Variants in PARP4 observed in about 807,000 individuals in gnomAD.
PARP4 encodes poly(ADP-ribose) polymerase family member 4, also known as protein mono-ADP-ribosyltransferase PARP4.
Under a neutral mutation model 187.7 loss-of-function variants are expected in PARP4, and 120 were observed. That is an observed-to-expected ratio of 0.64 (90% confidence interval 0.55 to 0.74). The LOEUF (loss-of-function observed/expected upper bound fraction) is 0.74, where lower values mean the gene tolerates loss of function less well. PARP4 is among the 30% of genes least tolerant of loss of function. PARP4 has a pLI of 0.00. For synonymous variants in PARP4, 654 were observed against 740.9 expected (o/e 0.88, Z 1.90); for missense variants, 1,836 against 2,070.5 (o/e 0.89, Z 2.20).
chr13:24,474,116 G>A (rs1295157263), intron 15 of PARP4, among the ~76,000 whole-genome samples: 3 of 152,134 alleles, frequency 2.0e-5, no homozygotes, highest in Non-Finnish European at 4.4e-5. Flanking sequence ...GACCATTCTA[G>A]TAAGTGCAAA....
intron 17 of PARP4, among the ~76,000 whole-genome samples, chr13:24,462,433 C>A (rs992851045): frequency 3.9e-5 from 6 of 152,218 alleles, no homozygotes; most frequent in Admixed American, 3.9e-4. Context: ...CCTGAAAGAA[C>A]AGGAGTTGCC....
At chr13:24,501,599 A>G in intron 3 of PARP4, 34 bp downstream of exon 3, 2 of 1,440,664 alleles carry the variant, frequency 1.4e-6, no homozygotes, top group South Asian at 2.3e-5. Context: ...TATGGCACCT[A>G]TGATACGTTA....
intron 22 of PARP4, among the ~76,000 whole-genome samples, chr13:24,454,264 C>T (rs1249203633): frequency 6.6e-6 from 1 of 152,246 alleles, no homozygotes; most frequent in African/African-American, 2.4e-5. Context: ...AGCTTGGCCC[C>T]TGGAAGGCCA....
At chr13:24,454,059 C>T (rs753453979) in intron 22 of PARP4, among the ~76,000 whole-genome samples, 6 of 150,314 alleles carry the variant, frequency 4.0e-5, no homozygotes, top group Admixed American at 6.6e-5. Context: ...ATCGCACCAC[C>T]GCACTCCAGC....
Position 24,501,811 on chromosome 13 carries a change from A to T in PARP4, c.156T>A (p.Asn52Lys). ...GTTGGTACTGACTCAGAACATCAGC[A>T]TTATCTAAGATTATATGTGTGCACT... ...NPQCTHIILD[N>K]ADVLSQYQLN... The change falls in exon 3 of 34, where the codon AAT becomes AAA. Residue 52 changes from asparagine (N) to lysine (K), a missense_variant. Coordinates refer to ENST00000381989, the MANE Select transcript of PARP4 (RefSeq NM_006437.4). 1 of 1,610,070 alleles carries T rather than the reference A, an allele frequency of 6.2e-7. No homozygotes were observed. The highest frequency in any genetic ancestry group is 8.5e-7 in the Non-Finnish European group (1 of 1,176,396).
chr13:24,428,134 G>A (rs540004112), intron 32 of PARP4, among the ~76,000 whole-genome samples: 1 of 152,126 alleles, frequency 6.6e-6, no homozygotes, highest in Non-Finnish European at 1.5e-5. Flanking sequence ...AAAAGCACAC[G>A]CTTACAGAAA....
chr13:24,454,193 A>G (rs1239297740), intron 22 of PARP4, among the ~76,000 whole-genome samples: 2 of 152,248 alleles, frequency 1.3e-5, no homozygotes, highest in Non-Finnish European at 2.9e-5. Context: ...TGTTGAGTCA[A>G]ATTCCATGTG....
chr13:24,493,806 C>T (rs1228525290), intron 7 of PARP4, 73 bp from the exon 8 acceptor site: 36 of 1,424,892 alleles, frequency 2.5e-5, no homozygotes, highest in Non-Finnish European at 3.1e-5. Context: ...CATGGGCCAA[C>T]GAACAGAGGT....
intron 4 of PARP4, among the ~76,000 whole-genome samples, chr13:24,500,062 A>C (rs1869187480): frequency 6.6e-6 from 1 of 152,112 alleles, no homozygotes; most frequent in African/African-American, 2.4e-5. Flanking sequence ...GAATTAAAAA[A>C]AAAACCCACT....
intron 12 of PARP4, among the ~76,000 whole-genome samples, chr13:24,481,636 T>A (rs1741632910): frequency 6.6e-6 from 1 of 152,136 alleles, no homozygotes; most frequent in South Asian, 2.1e-4. Flanking sequence ...GAGGTTGCAG[T>A]GAGCCAAGAT....
In PARP4 at chr13:24,504,459, G is replaced by A. The variant is rs923556340; in HGVS notation, c.-1-682C>T. On this transcript the variant is annotated intron_variant, in intron 1 of 33. Coordinates refer to ENST00000381989, the MANE Select transcript of PARP4 (RefSeq NM_006437.4). Reference sequence around the variant, plus strand: ...CTCCCGAGTAGCTGGGACTACATGCGCGCACCACCACACGTGGCTACTTTT... The same window carrying A: ...CTCCCGAGTAGCTGGGACTACATGCACGCACCACCACACGTGGCTACTTTT... 1.3e-4 allele frequency among the ~76,000 whole-genome samples: 19 copies of A among 151,414 alleles called. 1 individual carries two copies. Among genetic ancestry groups the A allele is most frequent in the African/African-American group, 2.4e-5 (1 of 41,274 alleles).
chr13:24,458,331 G>C (rs961163845), intron 20 of PARP4, among the ~76,000 whole-genome samples: 2 of 151,708 alleles, frequency 1.3e-5, no homozygotes, highest in South Asian at 4.2e-4. Flanking sequence ...GGATGGTCTC[G>C]ATCTCCTGAC....
intron 17 of PARP4, among the ~76,000 whole-genome samples, chr13:24,460,535 G>A (rs112570865): frequency 0.035 from 5,316 of 151,498 alleles, 143 homozygotes; most frequent in African/African-American, 0.07. Context: ...TGCACAGATG[G>A]CCTCCACAAA....
intron 12 of PARP4, among the ~76,000 whole-genome samples, chr13:24,479,412 G>A (rs752742830): frequency 1.3e-5 from 2 of 152,092 alleles, no homozygotes; most frequent in African/African-American, 4.8e-5. Context: ...ATCTCACCAC[G>A]TTCTGGCAAA....
rs560434737 is a variant in PARP4, at chr13:24,496,821, G to A, written c.591+1295C>T. Among the ~76,000 whole-genome samples, 12 of 152,228 alleles carry A rather than the reference G, an allele frequency of 7.9e-5. No homozygotes were observed. In the East Asian group the frequency reaches 1.6e-3, roughly 20 times the overall value. Reference sequence around the variant, plus strand: ...AAGCAGATCATGAGGTCAGGAGTTCGAGACCAGCCTGGCCAACATGGTGAA... The same window carrying A: ...AAGCAGATCATGAGGTCAGGAGTTCAAGACCAGCCTGGCCAACATGGTGAA... On this transcript the variant is annotated intron_variant, in intron 6 of 33. Transcript: ENST00000381989.
rs57015283 is a variant in PARP4 at position 24,455,480 on chromosome 13, A to AATATATATATAT, written c.2563-280_2563-269dup. Among the ~76,000 whole-genome samples, 608 of 108,374 alleles carry AATATATATATAT rather than the reference A, an allele frequency of 5.6e-3. 6 individuals are homozygous for AATATATATATAT. The highest frequency in any genetic ancestry group is 0.012 in the South Asian group (37 of 3,118). 71.1% of individuals were successfully genotyped at this position (108,374 alleles called of 152,430 possible). On this transcript the variant is annotated intron_variant, in intron 21 of 33. Coordinates refer to ENST00000381989, the MANE Select transcript of PARP4 (RefSeq NM_006437.4). ...CATATAGCATCAACATTATGGAACAAATATATATATATATATATATATATA... is the reference window on the plus strand; with the variant it reads ...CATATAGCATCAACATTATGGAACAAATATATATATATATATATATATATATATATATATATA...
rs546278704 is a variant in PARP4 at position 24,474,034 on chromosome 13, C to G, written c.1914+1438G>C. Among the ~76,000 whole-genome samples the G allele has an allele frequency of 2.8e-4, 43 of 152,272 alleles. No homozygotes were observed. The South Asian group carries it at 8.7e-3, about 31-fold the overall frequency. On this transcript the variant is annotated intron_variant, in intron 15 of 33. Coordinates refer to ENST00000381989, the MANE Select transcript of PARP4 (RefSeq NM_006437.4). ...TCCAACTTGGGTCTCCTCCCTGGTCCTATGTAGTCACAAGACCTACGTGGC... is the reference window on the plus strand; with the variant it reads ...TCCAACTTGGGTCTCCTCCCTGGTCGTATGTAGTCACAAGACCTACGTGGC...
At chr13:24,432,531 T>G (rs966215144) in intron 31 of PARP4, among the ~76,000 whole-genome samples, 1 of 152,194 alleles carries the variant, frequency 6.6e-6, no homozygotes, top group South Asian at 2.1e-4. Flanking sequence ...CCACCCCTTT[T>G]GCTTTGTTTT....
In PARP4 at chr13:24,486,078, G is replaced by A. The variant is rs181212029; in HGVS notation, c.1352+90C>T. The A allele has an allele frequency of 1.4e-4, 158 of 1,166,122 alleles. No individual in the cohort carries two copies. In the African/African-American group the frequency reaches 1.6e-3, roughly 12 times the overall value. The allele number at this position is 1,166,122 out of a possible 1,614,324, so 72.2% of individuals were successfully genotyped here. A position where few individuals can be genotyped will look rare whatever the true frequency, so the allele number is the denominator to read the frequency against. On this transcript the variant is annotated intron_variant, in intron 11 of 33. Coordinates refer to ENST00000381989, the MANE Select transcript of PARP4 (RefSeq NM_006437.4). ...GCTGATTTTAACTGAAAAGACTCAC[G>A]TAATATAGAAAAAAGTAGGAAAAAA...
Sources: allele counts gnomAD v4.1 joint callset (sites outside exome capture counted in the v4.1 genomes callset), GRCh38; gene constraint gnomAD v4.1.1; transcripts MANE v1.5; gene names NCBI Gene and HGNC (gene_info 2026-07-23, HGNC 2026-07-21).